TNXB: variants seen among roughly 807,000 people sequenced by gnomAD.
TNXB encodes the protein tenascin XB.
Under a neutral mutation model 340.5 loss-of-function variants are expected in TNXB, and 183 were observed. The observed-to-expected ratio is 0.54, with a 90% CI of 0.48 to 0.61. TNXB has a LOEUF of 0.61. TNXB is among the 20% of genes least tolerant of loss of function. The probability of loss-of-function intolerance (pLI) is 0.00; values close to 1 mark genes in which losing one functional copy is unlikely to be tolerated. For missense variants in TNXB, 4,613 were observed against 5,446.4 expected (o/e 0.85, Z 4.82); for synonymous variants, 2,121 against 2,314.5 (o/e 0.92, Z 2.40).
Position 32,049,458 on chromosome 6 carries a change from T to C in TNXB, c.9569A>G (p.Gln3190Arg). Residue 3190 changes from glutamine to arginine, a missense_variant, in exon 28 of 44, where the codon CAG becomes CGG. By Grantham distance (43) the Gln-to-Arg change is conservative. This residue lies in a region of TNXB where 4,327 missense variants were observed against 4,859.4 expected (regional missense o/e 0.89). Coordinates refer to ENST00000644971, the MANE Select transcript of TNXB (RefSeq NM_001365276.2). This position sits in a 1 kb window ranked among gnomAD's most constrained non-coding sequence, Gnocchi z 4.5. ...CACGGTGAAGGAGTCGAAGCGGCCC[T>C]GGGGGACGGTCCAGGAGAGGCTCAG... is the stretch of plus-strand genomic sequence containing the variant. Reference protein sequence around the residue: ...DSLSLSWTVPQGRFDSFTVQY... With the variant: ...DSLSLSWTVPRGRFDSFTVQY... 1 of 1,612,658 alleles carries C rather than the reference T, an allele frequency of 6.2e-7. No individual in the cohort carries two copies. The highest frequency in any genetic ancestry group is 8.5e-7 in the Non-Finnish European group (1 of 1,179,858).
Position 32,050,062 on chromosome 6 carries a change from C to G in TNXB, c.9375G>C (p.Lys3125Asn). The change falls in exon 27 of 44, where the codon AAG becomes AAC. Residue 3125 changes from lysine to asparagine, a missense_variant. By Grantham distance (94) the Lys-to-Asn change is moderately conservative. Coordinates refer to ENST00000644971, the MANE Select transcript of TNXB (RefSeq NM_001365276.2). Reference protein sequence around the residue: ...ISGLEPDHKYKMNLYGFHGGQ... With the variant: ...ISGLEPDHKYNMNLYGFHGGQ... The stretch of plus-strand genomic sequence containing the variant: ...CACCGTGGAAGCCGTACAGGTTCAT[C>G]TTGTATTTATGGTCTGGCTCCAGGC... 1 of 1,613,824 alleles carries G rather than the reference C, an allele frequency of 6.2e-7. No individual in the cohort carries two copies. The highest frequency in any genetic ancestry group is 8.5e-7 in the Non-Finnish European group (1 of 1,179,886).
chr6:32,089,203 C>T lies in TNXB; in HGVS notation c.2515+20G>A. The T allele has an allele frequency of 6.3e-7, 1 of 1,584,266 alleles. No homozygotes were observed. ...CAGATCTCCACTCAGGACACCCCTC[C>T]CCACAGCCCCAGCTCTCACTGGTGG... On this transcript the variant is annotated intron_variant, in intron 5 of 43. Coordinates refer to ENST00000644971, the MANE Select transcript of TNXB (RefSeq NM_001365276.2). This position sits in a 1 kb window ranked among gnomAD's most constrained non-coding sequence, Gnocchi z 6.2.
rs1434223584 is a variant in TNXB at position 32,051,673 on chromosome 6, G to A, written c.9115+997C>T. Among the ~76,000 whole-genome samples the A allele has an allele frequency of 6.6e-6, 1 of 152,154 alleles. No homozygotes were observed. Among genetic ancestry groups the A allele is most frequent in the Non-Finnish European group, 1.5e-5 (1 of 68,034 alleles). On this transcript the variant is annotated intron_variant, in intron 26 of 43. Transcript: ENST00000644971. The surrounding 1 kb of genome is among the most constrained non-coding windows in gnomAD (Gnocchi z 4.7). ...AATCCCAGCACTTTGGGAGGTCAAG[G>A]TGGGAGACTCGCTTGAGGCCAGGAG...
Position 32,047,521 on chromosome 6 carries a change from G to A in TNXB, c.10324+213C>T, listed in dbSNP as rs558235000. On this transcript the variant is annotated intron_variant, in intron 30 of 43. Transcript: ENST00000644971. The surrounding 1 kb of genome is among the most constrained non-coding windows in gnomAD (Gnocchi z 6.2). ...CACAGATCTGCTGGCCCCAAAGCCC[G>A]TGTCCCTTTTATTTCCTCAGCAGTC... is the stretch of plus-strand genomic sequence containing the variant. Among the ~76,000 whole-genome samples, 4 of 152,342 alleles carry A rather than the reference G, an allele frequency of 2.6e-5. No individual in the cohort carries two copies. In the South Asian group the frequency reaches 8.3e-4, roughly 32 times the overall value.
rs749377693 is a variant in TNXB at position 32,067,875 on chromosome 6, C to T, written c.6330G>A (p.Ser2110=). 6 of 1,612,888 alleles carry T rather than the reference C, an allele frequency of 3.7e-6. No individual in the cohort carries two copies. The highest frequency in any genetic ancestry group is 5.1e-6 in the Non-Finnish European group (6 of 1,179,886). Residue 2110 remains serine (S), a synonymous_variant, in exon 18 of 44, where the codon TCG becomes TCA. Transcript: ENST00000644971. The surrounding 1 kb of genome is among the most constrained non-coding windows in gnomAD (Gnocchi z 4.2). ...GGGGGACGGTCCAGGAGAGGCTCAG[C>T]GAGTCAGGGGAGGATCCTGTCACTG... ...ELTVTGSSPD[S]LSLSWTVPQG...
intron 6 of TNXB, among the ~76,000 whole-genome samples, chr6:32,086,805 C>T (rs1167841619): frequency 6.6e-6 from 1 of 152,220 alleles, no homozygotes; most frequent in Non-Finnish European, 1.5e-5. Flanking sequence ...TGTGTCCCTT[C>T]AAGGTCAAGG....
rs758582374 is a variant in TNXB at position 32,061,669 on chromosome 6, T to C, written c.7220A>G (p.Glu2407Gly). 5.0e-6 allele frequency: 8 copies of C among 1,612,558 alleles called. No homozygotes were observed. Among genetic ancestry groups the C allele is most frequent in the Non-Finnish European group, 5.1e-6 (6 of 1,179,776 alleles). ...SPTEPSMEAP[E>G]PPEEPLLGEL... is the part of the protein sequence containing the mutation. The stretch of plus-strand genomic sequence containing the variant: ...CCCCAGGAGCGGCTCCTCAGGGGGC[T>C]CCGGGGCCTCCATGCTGGGTTCTGT... The change falls in exon 21 of 44, where the codon GAG (glutamate) becomes GGG (glycine). Residue 2407 changes from glutamate to glycine, a missense_variant. Transcript: ENST00000644971. This position sits in a 1 kb window ranked among gnomAD's most constrained non-coding sequence, Gnocchi z 4.4.
chr6:32,089,517 A>G lies in TNXB; in HGVS notation c.2359-138T>C. The G allele has an allele frequency of 8.5e-7, 1 of 1,173,280 alleles. No homozygotes were observed. The highest frequency in any genetic ancestry group is 1.2e-6 in the Non-Finnish European group (1 of 861,958). 72.7% of individuals were successfully genotyped at this position (1,173,280 alleles called of 1,614,324 possible). ...GAACTTGACCCTGTACAAGCTGGGG[A>G]GCAAACATGCTGAGAGCGCTAACTC... On this transcript the variant is annotated intron_variant, in intron 4 of 43. Coordinates refer to ENST00000644971, the MANE Select transcript of TNXB (RefSeq NM_001365276.2). This position sits in a 1 kb window ranked among gnomAD's most constrained non-coding sequence, Gnocchi z 6.2.
chr6:32,070,512 T>C lies in TNXB; in HGVS notation c.4991-98A>G. 3.9e-6 allele frequency: 5 copies of C among 1,287,846 alleles called. No individual in the cohort carries two copies. Among genetic ancestry groups the C allele is most frequent in the African/African-American group, 1.5e-5 (1 of 67,012 alleles). 79.8% of individuals were successfully genotyped at this position (1,287,846 alleles called of 1,614,324 possible). On this transcript the variant is annotated intron_variant, in intron 13 of 43. Coordinates refer to ENST00000644971, the MANE Select transcript of TNXB (RefSeq NM_001365276.2). The surrounding 1 kb of genome is among the most constrained non-coding windows in gnomAD (Gnocchi z 6.0). ...AACCCAGAACTGCCCAAATGCTCAG[T>C]GCTTCCCCAAAATATTTCCATCACC...
In TNXB at chr6:32,108,608, G is replaced by C. The variant is rs1199970763; in HGVS notation, c.-9+573C>G. Among the ~76,000 whole-genome samples, 1 of 152,050 alleles carries C rather than the reference G, an allele frequency of 6.6e-6. No individual in the cohort carries two copies. Reference sequence around the variant, plus strand: ...GTCCCATTTCAGTATTTCCTAAAGAGATCTCCCAGACCTCCCTCCCTGCAA... The same window carrying C: ...GTCCCATTTCAGTATTTCCTAAAGACATCTCCCAGACCTCCCTCCCTGCAA... On this transcript the variant is annotated intron_variant, in intron 1 of 43. Coordinates refer to ENST00000644971, the MANE Select transcript of TNXB (RefSeq NM_001365276.2). The surrounding 1 kb of genome is among the most constrained non-coding windows in gnomAD (Gnocchi z 4.8).
intron 1 of TNXB, among the ~76,000 whole-genome samples, chr6:32,102,568 C>T (rs1244571604): frequency 7.5e-6 from 1 of 132,750 alleles, no homozygotes; most frequent in Non-Finnish European, 1.7e-5. Flanking sequence ...TCCTGAGCTA[C>T]CAAAAAAAGA....
Position 32,087,448 on chromosome 6 carries a change from C to T in TNXB, c.2780-1330G>A. 1 of 484,276 alleles carries T rather than the reference C, an allele frequency of 2.1e-6. No homozygotes were observed. Among genetic ancestry groups the T allele is most frequent in the East Asian group, 6.1e-5 (1 of 16,352 alleles). 30.0% of individuals were successfully genotyped at this position (484,276 alleles called of 1,614,324 possible). A position where few individuals can be genotyped will look rare whatever the true frequency, so the allele number is the denominator to read the frequency against. On this transcript the variant is annotated intron_variant, in intron 6 of 43. Transcript: ENST00000644971. The surrounding 1 kb of genome is among the most constrained non-coding windows in gnomAD (Gnocchi z 9.0). ...CAGCACCACGCGCTCGAACTGGCCG[C>T]GGAGCCCGTCGAGAGACACGAGAAG...
chr6:32,107,158 G>A (rs185615419), intron 1 of TNXB, among the ~76,000 whole-genome samples: 216 of 152,304 alleles, frequency 1.4e-3, no homozygotes, highest in Middle Eastern at 6.8e-3. Flanking sequence ...GGGAAGCAGC[G>A]GACACATGGC....
chr6:32,057,370 T>C (rs1777730723), intron 22 of TNXB, among the ~76,000 whole-genome samples: 1 of 152,158 alleles, frequency 6.6e-6, no homozygotes, highest in Non-Finnish European at 1.5e-5. Flanking sequence ...TTCCCCTGGA[T>C]ACCTTCCTAC....
At position 32,081,646 on chromosome 6, in the gene TNXB, CG is replaced by C. The variant is rs765028734; in HGVS notation, c.3763del (p.Arg1255AlafsTer13). On this transcript the variant is annotated frameshift_variant, in exon 10 of 44. Coordinates refer to ENST00000644971, the MANE Select transcript of TNXB (RefSeq NM_001365276.2). LOFTEE classifies it high-confidence loss of function. The surrounding 1 kb of genome is among the most constrained non-coding windows in gnomAD (Gnocchi z 5.1). Reference protein sequence around the residue: ...TAPERKEEPPRPEFLEQPLLG... With the variant: ...TAPERKEEPPXPEFLEQPLLG... ...GAGGGGCTGCTCCAGGAACTCAGGG[CG>C]GGGGGGCTCCTCTTTCCTCTCTGGA... 8 of 1,590,344 alleles carry C rather than the reference CG, an allele frequency of 5.0e-6. No individual in the cohort carries two copies. The highest frequency in any genetic ancestry group is 3.5e-5 in the Admixed American group (2 of 57,416).
Position 32,049,707 on chromosome 6 carries a change from G to C in TNXB, c.9440-120C>G. On this transcript the variant is annotated intron_variant, in intron 27 of 43. Transcript: ENST00000644971. The surrounding 1 kb of genome is among the most constrained non-coding windows in gnomAD (Gnocchi z 4.5). ...GGTCATTTCAGAGAAGTCCATTCTTGGGGCTGGGTGGTCCTGCTCAGCTGA... is the reference window on the plus strand; with the variant it reads ...GGTCATTTCAGAGAAGTCCATTCTTCGGGCTGGGTGGTCCTGCTCAGCTGA... The C allele has an allele frequency of 7.8e-7, 1 of 1,276,340 alleles. No individual in the cohort carries two copies. The highest frequency in any genetic ancestry group is 1.1e-6 in the Non-Finnish European group (1 of 939,962). 79.1% of individuals were successfully genotyped at this position (1,276,340 alleles called of 1,614,324 possible). A position where few individuals can be genotyped will look rare whatever the true frequency, so the allele number is the denominator to read the frequency against.
At chr6:32,043,725 G>T in intron 35 of TNXB, 24 bp downstream of exon 35, 3 of 1,613,396 alleles carry the variant, frequency 1.9e-6, no homozygotes, top group East Asian at 2.2e-5. Context: ...CCCACCTCTT[G>T]CCCCGGGTCC....
rs1358989216 is a variant in TNXB at position 32,064,347 on chromosome 6, G to C, written c.6841+474C>G. Among the ~76,000 whole-genome samples the C allele has an allele frequency of 6.6e-6, 1 of 152,158 alleles. No homozygotes were observed. Among genetic ancestry groups the C allele is most frequent in the Admixed American group, 6.5e-5 (1 of 15,280 alleles). ...CCCGCCTTAGCCTCCCGAGTAGCTG[G>C]GACTACAGGCATGTGCCACCACACC... is the stretch of plus-strand genomic sequence containing the variant. On this transcript the variant is annotated intron_variant, in intron 19 of 43. Transcript: ENST00000644971. The surrounding 1 kb of genome is among the most constrained non-coding windows in gnomAD (Gnocchi z 5.3).
rs1178650795 is a variant in TNXB, at chr6:32,051,520, T to C, written c.9115+1150A>G. Among the ~76,000 whole-genome samples the C allele has an allele frequency of 6.6e-6, 1 of 152,060 alleles. No homozygotes were observed. The highest frequency in any genetic ancestry group is 2.4e-5 in the African/African-American group (1 of 41,390). ...AGCATTATTCTTGATAGCTAAGAGG[T>C]GGAAGCAACCCAGATGTCCATCAAT... On this transcript the variant is annotated intron_variant, in intron 26 of 43. Coordinates refer to ENST00000644971, the MANE Select transcript of TNXB (RefSeq NM_001365276.2). The surrounding 1 kb of genome is among the most constrained non-coding windows in gnomAD (Gnocchi z 4.7).
Sources: gnomAD v4.1 joint callset for allele counts (sites outside exome capture counted in the v4.1 genomes callset) on GRCh38, gnomAD v4.1.1 for gene constraint, gnomAD v4.1.1 regional missense constraint, Gnocchi (gnomAD v3.1) non-coding constraint, MANE v1.5 for transcripts, NCBI Gene and HGNC (gene_info 2026-07-23, HGNC 2026-07-21) for gene names.